Variants in SLC14A2 observed in about 807,000 individuals in gnomAD.
SLC14A2 encodes the protein solute carrier family 14 member 2, also known as urea transporter 2.
In SLC14A2, 91 loss-of-function variants were observed where a neutral mutation model predicts 104.6. That is an observed-to-expected ratio of 0.87 (90% CI 0.73 to 1.04). The LOEUF is 1.04. Ranked by LOEUF, SLC14A2 falls within the 50% of genes least tolerant of loss-of-function variation. The pLI is 0.00. For synonymous variants in SLC14A2, 476 were observed against 466.4 expected, an observed-to-expected ratio of 1.02 and a Z score of -0.27; for missense variants, 1,189 against 1,156.0, an observed-to-expected ratio of 1.03 and a Z score of -0.41.
intron 1 of SLC14A2, among the ~76,000 whole-genome samples, chr18:45,390,740 T>G (rs1186814686): frequency 1.3e-5 from 2 of 152,306 alleles, no homozygotes; most frequent in Non-Finnish European, 1.5e-5. Context: ...TGTCATGCAA[T>G]GGCTGCTGGA....
intron 1 of SLC14A2, among the ~76,000 whole-genome samples, chr18:45,326,449 TGAA>T (rs762162842): frequency 2.6e-5 from 4 of 152,250 alleles, no homozygotes; most frequent in East Asian, 3.9e-4. Flanking sequence ...AAGCTACTGA[TGAA>T]GAAGAGGAAG....
intron 1 of SLC14A2, among the ~76,000 whole-genome samples, chr18:45,408,356 T>A (rs2086179223): frequency 6.6e-6 from 1 of 152,196 alleles, no homozygotes; most frequent in South Asian, 2.1e-4. Flanking sequence ...TGAGTGGTAC[T>A]TGTGAGGATG....
At chr18:45,547,866 T>C (rs2043996223) in intron 2 of SLC14A2, among the ~76,000 whole-genome samples, 2 of 152,156 alleles carry the variant, frequency 1.3e-5, no homozygotes, top group Admixed American at 6.5e-5. Context: ...AGCAGACAGA[T>C]AATGAGAAAG....
chr18:45,250,751 C>CTGACTTTTTGTTTTTTTTTTTTTTTT (rs1165070845), intron 1 of SLC14A2, among the ~76,000 whole-genome samples: 1 of 113,908 alleles, frequency 8.8e-6, no homozygotes, highest in Non-Finnish European at 1.7e-5. Flanking sequence ...CTAGTGGCTT[C>CTGACTTTTTGTTTTTTTTTTTTTTTT]TTCCTTTTTT....
intron 2 of SLC14A2, among the ~76,000 whole-genome samples, chr18:45,566,801 C>T (rs1008209601): frequency 1.3e-5 from 2 of 152,212 alleles, no homozygotes; most frequent in African/African-American, 4.8e-5. Flanking sequence ...ACAGAGAATA[C>T]TTCCAGCTTT....
chr18:45,636,871 G>C, intron 5 of SLC14A2, 119 bp from the exon 6 acceptor site: 1 of 695,862 alleles, frequency 1.4e-6, no homozygotes. Flanking sequence ...AGTCTCAAGG[G>C]GGCCAGGAAT....
intron 10 of SLC14A2, among the ~76,000 whole-genome samples, chr18:45,663,439 C>T (rs1182604435): frequency 6.6e-6 from 1 of 152,186 alleles, no homozygotes; most frequent in African/African-American, 2.4e-5. Flanking sequence ...CTCCCTGCCA[C>T]AGATGAAGTC....
intron 1 of SLC14A2, among the ~76,000 whole-genome samples, chr18:45,441,986 C>T (rs1377660823): frequency 6.6e-6 from 1 of 152,070 alleles, no homozygotes; most frequent in Non-Finnish European, 1.5e-5. Context: ...GGGAGTGTGA[C>T]CTGGGAGAAC....
intron 2 of SLC14A2, among the ~76,000 whole-genome samples, chr18:45,516,185 T>G (rs2043438166): frequency 6.6e-6 from 1 of 152,176 alleles, no homozygotes; most frequent in Non-Finnish European, 1.5e-5. Flanking sequence ...ATATATAGTT[T>G]TTCCTTTATT....
chr18:45,259,298 G>A (rs1490193818), intron 1 of SLC14A2, among the ~76,000 whole-genome samples: 1 of 152,182 alleles, frequency 6.6e-6, no homozygotes, highest in African/African-American at 2.4e-5. Flanking sequence ...AGGCAAAACA[G>A]GAAGAAATAA....
At chr18:45,651,028 G>T (rs2045728333) in intron 10 of SLC14A2, among the ~76,000 whole-genome samples, 1 of 152,096 alleles carries the variant, frequency 6.6e-6, no homozygotes, top group East Asian at 1.9e-4. Flanking sequence ...AGGGTTCCAG[G>T]AAGATTTCAG....
chr18:45,283,241 A>T (rs2144147186), intron 1 of SLC14A2, among the ~76,000 whole-genome samples: 1 of 149,540 alleles, frequency 6.7e-6, no homozygotes, highest in South Asian at 2.1e-4. Context: ...GAGTCTCCTA[A>T]TTGATAAAAG....
intron 2 of SLC14A2, among the ~76,000 whole-genome samples, chr18:45,609,473 A>T (rs2044933191): frequency 6.6e-6 from 1 of 151,932 alleles, no homozygotes. Context: ...TCAACTACTT[A>T]TGGTTTTTAC....
chr18:45,632,899 G>T (rs1466968988), intron 5 of SLC14A2, among the ~76,000 whole-genome samples: 1 of 152,112 alleles, frequency 6.6e-6, no homozygotes, highest in Non-Finnish European at 1.5e-5. Context: ...GGATGGTCTC[G>T]ATCTCCTGAC....
chr18:45,573,367 A>ATGTT (rs1453958951), intron 2 of SLC14A2, among the ~76,000 whole-genome samples: 2 of 150,766 alleles, frequency 1.3e-5, no homozygotes, highest in Non-Finnish European at 3.0e-5. Context: ...ACCAGAAGAG[A>ATGTT]TGTTAGAGAT....
intron 1 of SLC14A2, among the ~76,000 whole-genome samples, chr18:45,477,064 G>A (rs1410977905): frequency 6.6e-6 from 1 of 152,070 alleles, no homozygotes; most frequent in Non-Finnish European, 1.5e-5. Flanking sequence ...GAGGAGTTCT[G>A]GTTTTTGGAG....
intron 1 of SLC14A2, among the ~76,000 whole-genome samples, chr18:45,410,931 C>T (rs1282815077): frequency 1.3e-5 from 2 of 152,194 alleles, no homozygotes; most frequent in Non-Finnish European, 2.9e-5. Context: ...TATACATAAG[C>T]ATTAGCTCCC....
intron 1 of SLC14A2, among the ~76,000 whole-genome samples, chr18:45,237,472 G>A (rs893557555): frequency 1.3e-5 from 2 of 152,118 alleles, no homozygotes; most frequent in African/African-American, 2.4e-5. Flanking sequence ...TTCTCTAGTC[G>A]GCACAGCATG....
In SLC14A2 at chr18:45,567,055, A is replaced by AGTGTGTGTGTGTGTGT. The variant is rs3058364; in HGVS notation, c.-34-57547_-34-57532dup. On this transcript the variant is annotated intron_variant, in intron 2 of 20. Coordinates refer to the SLC14A2 transcript ENST00000586448. ...TCTATAGCTGAGGACATGTGCACATAGTGTGTGTGTGTGTGTGTGTGTGTG... is the reference window on the plus strand; with the variant it reads ...TCTATAGCTGAGGACATGTGCACATAGTGTGTGTGTGTGTGTGTGTGTGTGTGTGTGTGTGTGTGTG... Among the ~76,000 whole-genome samples the AGTGTGTGTGTGTGTGT allele has an allele frequency of 1.3e-3, 176 of 139,896 alleles. 2 individuals carry two copies. The Middle Eastern group carries it at 0.014, about 11-fold the overall frequency. 91.8% of individuals were successfully genotyped at this position (139,896 alleles called of 152,430 possible).
Sources: gnomAD v4.1 joint callset for allele counts (sites outside exome capture counted in the v4.1 genomes callset) on GRCh38, gnomAD v4.1.1 for gene constraint, MANE v1.5 for transcripts, NCBI Gene and HGNC (gene_info 2026-07-23, HGNC 2026-07-21) for gene names.